ADK: variants seen among roughly 807,000 people sequenced by gnomAD.
The protein encoded by ADK is N6,N6-dimethyladenosine kinase.
A neutral mutation model predicts 44.7 loss-of-function variants in ADK; 24 were observed. The ratio of observed to expected loss-of-function variants is 0.54; its 90% CI spans 0.39 to 0.76. The LOEUF (loss-of-function observed/expected upper bound fraction) is 0.76. Among genes scored for constraint, ADK ranks in the 30% least tolerant of loss-of-function variants. The pLI, the probability that ADK is intolerant of heterozygous loss-of-function variation, is 0.00. For missense variants in ADK, 321 were observed against 425.1 expected (o/e 0.76, Z 2.15); for synonymous variants, 128 against 142.6 (o/e 0.90, Z 0.73).
At chr10:74,410,750 A>C (rs1844146722) in intron 6 of ADK, among the ~76,000 whole-genome samples, 1 of 152,160 alleles carries the variant, frequency 6.6e-6, no homozygotes, top group African/African-American at 2.4e-5. Flanking sequence ...ACCATGGAAC[A>C]AGCCTTTGTA....
At chr10:74,438,477 G>A (rs528495701) in intron 6 of ADK, among the ~76,000 whole-genome samples, 6 of 151,334 alleles carry the variant, frequency 4.0e-5, no homozygotes, top group East Asian at 3.9e-4. Context: ...TGATCCCTCC[G>A]CCTCAGCCTC....
At chr10:74,208,129 G>GC (rs1843670846) in intron 2 of ADK, among the ~76,000 whole-genome samples, 1 of 152,238 alleles carries the variant, frequency 6.6e-6, no homozygotes, top group Non-Finnish European at 1.5e-5. Flanking sequence ...TCGAGGAGAG[G>GC]CCAGGCATGG....
intron 7 of ADK, among the ~76,000 whole-genome samples, chr10:74,576,032 C>G (rs1376680165): frequency 6.6e-6 from 1 of 151,910 alleles, no homozygotes; most frequent in African/African-American, 2.4e-5. Context: ...GGCAGGATAT[C>G]TTACAATGTT....
At position 74,700,635 on chromosome 10, in the gene ADK, A is replaced by T. The variant is rs1856388957; in HGVS notation, c.965-7686A>T. Among the ~76,000 whole-genome samples, 3 of 151,858 alleles carry T rather than the reference A, an allele frequency of 2.0e-5. 1 individual carries two copies. The South Asian group carries it at 6.2e-4, about 31-fold the overall frequency. ...TTTGTGTTAAAACAAAAAAAAAAAGAAAAGAAAAAGAAAGAAAAGGAAGAA... is the reference window on the plus strand; with the variant it reads ...TTTGTGTTAAAACAAAAAAAAAAAGTAAAGAAAAAGAAAGAAAAGGAAGAA... On this transcript the variant is annotated intron_variant, in intron 10 of 10. Coordinates refer to ENST00000539909, the MANE Select transcript of ADK (RefSeq NM_006721.4).
intron 3 of ADK, among the ~76,000 whole-genome samples, chr10:74,229,936 G>A (rs1844690372): frequency 6.6e-6 from 1 of 152,052 alleles, no homozygotes; most frequent in African/African-American, 2.4e-5. Flanking sequence ...CTACTTGGGA[G>A]ACTGAGGTGG....
At chr10:74,269,159 C>T (rs1846331846) in intron 3 of ADK, among the ~76,000 whole-genome samples, 1 of 152,114 alleles carries the variant, frequency 6.6e-6, no homozygotes, top group African/African-American at 2.4e-5. Context: ...TCCCCACCAA[C>T]TATAACACTC....
chr10:74,353,861 C>G (rs1158329001), intron 4 of ADK, among the ~76,000 whole-genome samples: 3 of 152,078 alleles, frequency 2.0e-5, no homozygotes, highest in Non-Finnish European at 4.4e-5. Flanking sequence ...GAGCGAGACT[C>G]TGTTTCAAAG....
intron 1 of ADK, among the ~76,000 whole-genome samples, chr10:74,189,709 G>T (rs1381038589): frequency 2.0e-5 from 3 of 152,034 alleles, no homozygotes; most frequent in Non-Finnish European, 2.9e-5. Flanking sequence ...GAACGTTTTT[G>T]TCCCCCAAAA....
intron 3 of ADK, among the ~76,000 whole-genome samples, chr10:74,259,689 C>A (rs973045235): frequency 6.6e-6 from 1 of 151,588 alleles, no homozygotes; most frequent in African/African-American, 2.4e-5. Flanking sequence ...GATCTCCTGA[C>A]CTCGTGATCC....
intron 9 of ADK, among the ~76,000 whole-genome samples, chr10:74,666,162 G>T (rs1045299858): frequency 2.6e-5 from 4 of 152,170 alleles, no homozygotes; most frequent in Non-Finnish European, 5.9e-5. Flanking sequence ...GATGCATGAA[G>T]ATGTTTTTAT....
At chr10:74,437,767 T>C (rs1564722035) in intron 6 of ADK, among the ~76,000 whole-genome samples, 1 of 152,244 alleles carries the variant, frequency 6.6e-6, no homozygotes, top group African/African-American at 2.4e-5. Context: ...CTCTCATGGC[T>C]GCCAATGATT....
intron 9 of ADK, among the ~76,000 whole-genome samples, chr10:74,649,498 A>C (rs1253483722): frequency 6.6e-6 from 1 of 151,790 alleles, no homozygotes; most frequent in Non-Finnish European, 1.5e-5. Context: ...GATGGCAAGC[A>C]CCTGTCATCC....
At chr10:74,533,448 A>G (rs1027405934) in intron 7 of ADK, among the ~76,000 whole-genome samples, 6 of 152,246 alleles carry the variant, frequency 3.9e-5, no homozygotes, top group South Asian at 2.1e-4. Context: ...CAAATAGTCA[A>G]TGGAACAGAA....
intron 9 of ADK, among the ~76,000 whole-genome samples, chr10:74,668,817 G>A (rs1444905355): frequency 1.3e-5 from 2 of 152,074 alleles, no homozygotes; most frequent in Non-Finnish European, 2.9e-5. Context: ...AGGATTGCTC[G>A]AGCACAGGAG....
chr10:74,229,439 C>T (rs1011521841), intron 3 of ADK, among the ~76,000 whole-genome samples: 1 of 147,612 alleles, frequency 6.8e-6, no homozygotes, highest in Non-Finnish European at 1.5e-5. Context: ...GCTCTGTCGC[C>T]CAGGCTGGAG....
intron 4 of ADK, among the ~76,000 whole-genome samples, chr10:74,319,403 G>A (rs952336157): frequency 1.3e-5 from 2 of 152,116 alleles, no homozygotes; most frequent in Admixed American, 6.5e-5. Context: ...GCCTCTTTGC[G>A]TGGTGGTTTC....
Position 74,383,573 on chromosome 10 carries a change from G to A in ADK, c.274-10568G>A, listed in dbSNP as rs531150124. Among the ~76,000 whole-genome samples the A allele has an allele frequency of 3.8e-4, 58 of 152,218 alleles. No homozygotes were observed. The South Asian group carries it at 9.1e-3, about 24-fold the overall frequency. ...CTGCTGTAAGATTCTTGTAACAAAA[G>A]ACAGATTAACAAAAGTTAAGTACAC... is the stretch of plus-strand genomic sequence containing the variant. On this transcript the variant is annotated intron_variant, in intron 4 of 10. Coordinates refer to ENST00000539909, the MANE Select transcript of ADK (RefSeq NM_006721.4).
At chr10:74,702,594 T>C (rs1353131356) in intron 10 of ADK, among the ~76,000 whole-genome samples, 6 of 125,888 alleles carry the variant, frequency 4.8e-5, no homozygotes, top group Non-Finnish European at 1.0e-4. Context: ...CTGGTCTCTT[T>C]CTTTCTTTTT....
chr10:74,205,165 A>G (rs764609880), intron 2 of ADK, among the ~76,000 whole-genome samples: 2 of 151,456 alleles, frequency 1.3e-5, no homozygotes, highest in South Asian at 4.2e-4. Context: ...TGGTGCCCCT[A>G]TTCTTTCCTA....
Sources: allele counts gnomAD v4.1 joint callset (sites outside exome capture counted in the v4.1 genomes callset), GRCh38; gene constraint gnomAD v4.1.1; transcripts MANE v1.5; gene names NCBI Gene and HGNC (gene_info 2026-07-23, HGNC 2026-07-21).